Variants in MXRA7 observed in about 807,000 individuals in gnomAD.
MXRA7 encodes matrix remodeling associated 7.
Under a neutral mutation model 17.4 loss-of-function variants are expected in MXRA7, and 18 were observed. The ratio of observed to expected loss-of-function variants is 1.03; its 90% CI spans 0.71 to 1.53. The LOEUF (loss-of-function observed/expected upper bound fraction) is 1.53, where lower values mean the gene tolerates loss of function less well. MXRA7 is among the 40% of genes most tolerant of loss of function. The pLI, the probability that MXRA7 is intolerant of heterozygous loss-of-function variation, is 0.00. For synonymous variants in MXRA7, 70 were observed against 101.7 expected (o/e 0.69, Z 1.87); for missense variants, 141 against 209.3 (o/e 0.67, Z 2.01).
chr17:76,678,385 G>C (rs752436409), downstream of MXRA7, among the ~76,000 whole-genome samples: 9 of 152,208 alleles, frequency 5.9e-5, no homozygotes, highest in Non-Finnish European at 1.2e-4. Flanking sequence ...GCAATGTCTT[G>C]TTATCTTTAT....
At chr17:76,679,206 T>G (rs1477008108), downstream of MXRA7, among the ~76,000 whole-genome samples, 1 of 150,212 alleles carries the variant, frequency 6.7e-6, no homozygotes, top group Non-Finnish European at 1.5e-5. Context: ...GAGGATCACT[T>G]AAGCCCACGA....
At chr17:76,683,742 G>C in intron 3 of MXRA7, 1 of 762,910 alleles carries the variant, frequency 1.3e-6, no homozygotes, top group South Asian at 1.5e-5. Context: ...AATCGGTTAT[G>C]AAGGCGATGG....
downstream of MXRA7, chr17:76,676,892 T>C (rs2076245195): frequency 6.8e-6 from 1 of 147,326 alleles, no homozygotes; most frequent in African/African-American, 2.5e-5. Context: ...TGGGTGACAG[T>C]GAGACCTCGT....
downstream of MXRA7, chr17:76,677,548 C>A: frequency 7.2e-7 from 1 of 1,397,008 alleles, no homozygotes; most frequent in Non-Finnish European, 1.0e-6. Context: ...AGGGTGGGGA[C>A]AGCATCAGGC....
At position 76,686,785 on chromosome 17, in the gene MXRA7, G is replaced by C. The variant is rs1032900909; in HGVS notation, c.406+1328C>G. On this transcript the variant is annotated intron_variant, in intron 2 of 3. Coordinates refer to ENST00000449428, the MANE Select transcript of MXRA7 (RefSeq NM_198530.4). ...AATAATTAACCTCTGAGGCTGCCTC[G>C]TACTGCAGAGGGGCTGGAGGTGCTC... Among the ~76,000 whole-genome samples the C allele has an allele frequency of 1.3e-4, 20 of 152,136 alleles. 1 individual carries two copies. Among genetic ancestry groups the C allele is most frequent in the Admixed American group, 1.3e-3 (20 of 15,268 alleles).
chr17:76,684,007 G>T, intron 3 of MXRA7: 2 of 1,100,564 alleles, frequency 1.8e-6, no homozygotes, highest in Non-Finnish European at 2.8e-6. Context: ...TCCTGCCAGG[G>T]CTCTTCCTCC....
At chr17:76,673,068 A>C (rs893338191) in exon 4 of MXRA7, 1 of 152,210 alleles carries the variant, frequency 6.6e-6, no homozygotes, top group African/African-American at 2.4e-5. Context: ...CTCTCCAAAA[A>C]GACGTCTCTT....
intron 1 of MXRA7, 72 bp downstream of exon 1, chr17:76,710,533 C>T (rs1053601043): frequency 2.5e-6 from 3 of 1,182,890 alleles, no homozygotes; most frequent in Non-Finnish European, 3.2e-6. Flanking sequence ...CGCTCCCTGG[C>T]TCGGCGGGGA....
At chr17:76,708,182 C>T (rs561987197) in intron 1 of MXRA7, among the ~76,000 whole-genome samples, 3 of 152,232 alleles carry the variant, frequency 2.0e-5, no homozygotes, top group Non-Finnish European at 2.9e-5. Flanking sequence ...GGCTGCTTCC[C>T]GGGGCGAGAG....
intron 1 of MXRA7, among the ~76,000 whole-genome samples, chr17:76,694,328 T>G (rs1268907064): frequency 6.6e-6 from 1 of 152,066 alleles, no homozygotes; most frequent in Non-Finnish European, 1.5e-5. Context: ...CTGACACCTC[T>G]CCTGTCCACC....
chr17:76,707,029 T>G (rs1285611706), intron 1 of MXRA7, among the ~76,000 whole-genome samples: 1 of 152,200 alleles, frequency 6.6e-6, no homozygotes, highest in East Asian at 1.9e-4. Context: ...GGACATTGTT[T>G]ACACAGCCAT....
chr17:76,677,582 C>T (rs769455888), downstream of MXRA7: 17 of 1,600,310 alleles, frequency 1.1e-5, no homozygotes, highest in African/African-American at 1.7e-4. Flanking sequence ...ATCCCGTGGG[C>T]GCAGTCTACA....
At chr17:76,710,562 G>T in intron 1 of MXRA7, 43 bp downstream of exon 1, 3 of 1,238,938 alleles carry the variant, frequency 2.4e-6, no homozygotes, top group Non-Finnish European at 3.0e-6. Flanking sequence ...GGCAGCCGGA[G>T]CCCCGGGGGT....
intron 2 of MXRA7, among the ~76,000 whole-genome samples, 160 bp from the exon 3 acceptor site, chr17:76,685,325 A>G (rs183625471): frequency 1.3e-5 from 2 of 152,162 alleles, no homozygotes; most frequent in African/African-American, 4.8e-5. Context: ...CTCTCGTTCC[A>G]TAGCTTTCCC....
intron 3 of MXRA7, among the ~76,000 whole-genome samples, chr17:76,683,584 C>T (rs1322205913): frequency 6.6e-6 from 1 of 152,208 alleles, no homozygotes; most frequent in Non-Finnish European, 1.5e-5. Flanking sequence ...GGGGCGCTAG[C>T]ACCCCAACCT....
chr17:76,677,400 T>C, downstream of MXRA7: 1 of 519,956 alleles, frequency 1.9e-6, no homozygotes, highest in Non-Finnish European at 3.4e-6. Context: ...GTCTTCTGAA[T>C]AAAACAATTT....
At position 76,710,705 on chromosome 17, in the gene MXRA7, CCCAGCCCCGCGGGCTCTCCAGGCTCCT is replaced by C. The variant is rs1169642189; in HGVS notation, c.215_241del (p.Glu72_Leu80del). The C allele has an allele frequency of 1.7e-6, 2 of 1,206,584 alleles. No homozygotes were observed. The highest frequency in any genetic ancestry group is 3.2e-5 in the African/African-American group (2 of 62,426). 74.7% of individuals were successfully genotyped at this position (1,206,584 alleles called of 1,614,324 possible). A position where few individuals can be genotyped will look rare whatever the true frequency, so the allele number is the denominator to read the frequency against. ...CGGTCCCGCAGGCTCCCCGAGCTCC[CCCAGCCCCGCGGGCTCTCCAGGCTCCT>C]CCGGCCCCGCGGGCGAGGCCGCCGG... On this transcript the variant is annotated inframe_deletion, in exon 1 of 4. Coordinates refer to ENST00000449428, the MANE Select transcript of MXRA7 (RefSeq NM_198530.4).
intron 1 of MXRA7, among the ~76,000 whole-genome samples, chr17:76,705,237 C>T (rs2076642905): frequency 6.6e-6 from 1 of 152,192 alleles, no homozygotes; most frequent in Non-Finnish European, 1.5e-5. Flanking sequence ...AGGAAAGCCC[C>T]TGGACTTCTT....
At chr17:76,688,026 C>G (rs138448046) in intron 2 of MXRA7, 87 bp downstream of exon 2, 1 of 1,175,022 alleles carries the variant, frequency 8.5e-7, no homozygotes. Flanking sequence ...CCTCGGCACT[C>G]GAACCCCAGC....
Sources: allele counts gnomAD v4.1 joint callset (sites outside exome capture counted in the v4.1 genomes callset), GRCh38; gene constraint gnomAD v4.1.1; transcripts MANE v1.5; gene names NCBI Gene and HGNC (gene_info 2026-07-23, HGNC 2026-07-21).